DLGAP4: variants seen among roughly 807,000 people sequenced by gnomAD.
DLGAP4 encodes the protein DLG associated protein 4, also known as disks large-associated protein 4.
Under a neutral mutation model 86.9 loss-of-function variants are expected in DLGAP4, and 18 were observed. The ratio of observed to expected loss-of-function variants is 0.21; its 90% confidence interval spans 0.14 to 0.31. The LOEUF (loss-of-function observed/expected upper bound fraction) is 0.31. Among genes scored for constraint, DLGAP4 ranks in the 10% least tolerant of loss-of-function variants. DLGAP4 has a pLI of 1.00. For missense variants in DLGAP4, 1,085 were observed against 1,362.6 expected (o/e 0.80, Z 3.21); for synonymous variants, 548 against 574.3 (o/e 0.95, Z 0.65).
intron 7 of DLGAP4, among the ~76,000 whole-genome samples, chr20:36,486,879 T>G (rs2035442253): frequency 6.7e-6 from 1 of 150,158 alleles, no homozygotes; most frequent in Non-Finnish European, 1.5e-5. Context: ...CCCATAGTGC[T>G]GAGATAACAG....
At chr20:36,447,230 C>T (rs1228368805) in intron 7 of DLGAP4, among the ~76,000 whole-genome samples, 6 of 152,156 alleles carry the variant, frequency 3.9e-5, no homozygotes, top group Non-Finnish European at 8.8e-5. Flanking sequence ...AGAGCAGCCA[C>T]CTGCTATAGT....
At chr20:36,338,043 CAT>C (rs1439181604) in intron 1 of DLGAP4, among the ~76,000 whole-genome samples, 1 of 152,240 alleles carries the variant, frequency 6.6e-6, no homozygotes, top group African/African-American at 2.4e-5. Flanking sequence ...CTGTGGTCCA[CAT>C]GTGTGGGCAA....
chr20:36,337,474 G>A (rs896336796), intron 1 of DLGAP4, among the ~76,000 whole-genome samples: 2 of 152,124 alleles, frequency 1.3e-5, no homozygotes, highest in Admixed American at 6.5e-5. Flanking sequence ...AGATAAAGAG[G>A]GAGTCCTAAG....
intron 7 of DLGAP4, among the ~76,000 whole-genome samples, chr20:36,485,433 C>T (rs1569515702): frequency 6.6e-6 from 1 of 151,724 alleles, no homozygotes; most frequent in Non-Finnish European, 1.5e-5. Flanking sequence ...GCAGCTCTGA[C>T]AACGCTGGGC....
At chr20:36,384,479 G>C (rs1171096986) in intron 2 of DLGAP4, among the ~76,000 whole-genome samples, 8 of 152,176 alleles carry the variant, frequency 5.3e-5, no homozygotes, top group African/African-American at 1.9e-4. Flanking sequence ...GCAACCTACA[G>C]GGGAGGTACT....
intron 1 of DLGAP4, among the ~76,000 whole-genome samples, chr20:36,322,819 G>C (rs2065181854): frequency 6.6e-6 from 1 of 152,128 alleles, no homozygotes; most frequent in South Asian, 2.1e-4. Flanking sequence ...ATCTTAAGCA[G>C]ATAGTATAGC....
chr20:36,476,991 C>A (rs1569513287), intron 7 of DLGAP4, among the ~76,000 whole-genome samples: 1 of 150,274 alleles, frequency 6.7e-6, no homozygotes, highest in Non-Finnish European at 1.5e-5. Context: ...CCATGCCCAG[C>A]CCTCTCTGGC....
rs1162061828 is a variant in DLGAP4, at chr20:36,306,880, A to T, written c.-304+368A>T. The stretch of plus-strand genomic sequence containing the variant: ...ATATCAAGCGGCTGCCAAAGCCTGG[A>T]AGCCCCCTCCTCAGGCCCGCCCCCT... On this transcript the variant is annotated intron_variant, in intron 1 of 12. Coordinates refer to ENST00000339266, the MANE Select transcript of DLGAP4 (RefSeq NM_001365621.2). This position sits in a 1 kb window ranked among gnomAD's most constrained non-coding sequence, Gnocchi z 4.9. Among the ~76,000 whole-genome samples the T allele has an allele frequency of 7.9e-5, 12 of 152,112 alleles. No individual in the cohort carries two copies. Among genetic ancestry groups the T allele is most frequent in the African/African-American group, 2.7e-4 (11 of 41,438 alleles).
intron 7 of DLGAP4, among the ~76,000 whole-genome samples, chr20:36,489,729 G>A (rs2035576236): frequency 6.6e-6 from 1 of 152,132 alleles, no homozygotes; most frequent in Admixed American, 6.6e-5. Context: ...AGGTAAGGAT[G>A]GGAGGGGCCT....
At chr20:36,525,568 T>A in intron 11 of DLGAP4, 1 of 497,096 alleles carries the variant, frequency 2.0e-6, no homozygotes, top group East Asian at 3.3e-5. Context: ...GTTTCTTCCC[T>A]GCAAAACGAG....
chr20:36,497,483 G>A (rs1022936495), intron 8 of DLGAP4: 12 of 1,024,074 alleles, frequency 1.2e-5, no homozygotes, highest in African/African-American at 3.4e-5. Flanking sequence ...CCCGCTTGGC[G>A]GCAGGAGCAG....
chr20:36,338,681 C>A (rs148055055), intron 1 of DLGAP4, among the ~76,000 whole-genome samples: 1 of 152,236 alleles, frequency 6.6e-6, no homozygotes, highest in Admixed American at 6.5e-5. Flanking sequence ...GGGGAGCCGT[C>A]GGTCCAGTAG....
At chr20:36,339,861 G>A (rs535195282) in intron 1 of DLGAP4, among the ~76,000 whole-genome samples, 5 of 152,326 alleles carry the variant, frequency 3.3e-5, no homozygotes, top group Admixed American at 2.0e-4. Context: ...AGCTCCGGCA[G>A]AGGCGTTAAG....
At chr20:36,522,913 A>G (rs1389341868) in intron 10 of DLGAP4, among the ~76,000 whole-genome samples, 1 of 151,282 alleles carries the variant, frequency 6.6e-6, no homozygotes, top group Non-Finnish European at 1.5e-5. Flanking sequence ...CTGGAGTGCA[A>G]TGCTGTCATC....
At chr20:36,480,097 C>T (rs2035118948) in intron 7 of DLGAP4, among the ~76,000 whole-genome samples, 1 of 152,142 alleles carries the variant, frequency 6.6e-6, no homozygotes, top group Non-Finnish European at 1.5e-5. Context: ...GGGAGAAATT[C>T]AGACCCAGGA....
chr20:36,417,225 C>G (rs1036232401), intron 2 of DLGAP4, among the ~76,000 whole-genome samples: 3 of 151,944 alleles, frequency 2.0e-5, no homozygotes, highest in African/African-American at 7.3e-5. Flanking sequence ...TAGAGGCAGC[C>G]GAGTATGTGA....
intron 10 of DLGAP4, among the ~76,000 whole-genome samples, chr20:36,514,643 G>A (rs1600697651): frequency 6.6e-6 from 1 of 151,656 alleles, no homozygotes; most frequent in African/African-American, 2.4e-5. Context: ...CAAACTCCTG[G>A]GTTTAAACAA....
At chr20:36,346,676 T>C (rs1170004042) in intron 1 of DLGAP4, among the ~76,000 whole-genome samples, 2 of 152,214 alleles carry the variant, frequency 1.3e-5, no homozygotes, top group African/African-American at 4.8e-5. Context: ...TGATTTCCTC[T>C]CTCTGTTTTC....
intron 2 of DLGAP4, among the ~76,000 whole-genome samples, chr20:36,389,254 G>A (rs919767057): frequency 7.2e-5 from 11 of 152,178 alleles, no homozygotes; most frequent in Non-Finnish European, 2.9e-5. Flanking sequence ...CTTTTCCTCT[G>A]CTATTGCATA....
Sources: gnomAD v4.1 joint callset for allele counts (sites outside exome capture counted in the v4.1 genomes callset) on GRCh38, gnomAD v4.1.1 for gene constraint, Gnocchi (gnomAD v3.1) non-coding constraint, MANE v1.5 for transcripts, NCBI Gene and HGNC (gene_info 2026-07-23, HGNC 2026-07-21) for gene names.